Variants in CLSTN2 observed in about 807,000 individuals in gnomAD.
CLSTN2 encodes the protein calsyntenin-2.
Under a neutral mutation model 101.2 loss-of-function variants are expected in CLSTN2, and 48 were observed. The observed-to-expected ratio is 0.47, with a 90% CI of 0.38 to 0.60. The LOEUF (loss-of-function observed/expected upper bound fraction) is 0.60. Among genes scored for constraint, CLSTN2 ranks in the 20% least tolerant of loss-of-function variants. The probability of loss-of-function intolerance (pLI) is 0.00; values close to 1 mark genes in which losing one functional copy is unlikely to be tolerated. For missense variants in CLSTN2, 1,160 were observed against 1,238.2 expected (o/e 0.94, Z 0.95); for synonymous variants, 481 against 463.6 (o/e 1.04, Z -0.48).
At chr3:140,156,136 GT>G (rs1298036529) in intron 1 of CLSTN2, among the ~76,000 whole-genome samples, 1 of 152,104 alleles carries the variant, frequency 6.6e-6, no homozygotes. Context: ...TAGCAAATAA[GT>G]TTTATCTTAG....
At chr3:140,034,898 G>A (rs894191303) in intron 1 of CLSTN2, among the ~76,000 whole-genome samples, 18 of 152,210 alleles carry the variant, frequency 1.2e-4, no homozygotes, top group African/African-American at 4.1e-4. Context: ...TGCACAAGAG[G>A]TACACAACAG....
intron 1 of CLSTN2, among the ~76,000 whole-genome samples, chr3:140,051,484 C>A (rs984887682): frequency 2.6e-5 from 4 of 152,176 alleles, no homozygotes; most frequent in Admixed American, 1.3e-4. Context: ...CCGCCTGCAC[C>A]CTTTTTGGGC....
intron 2 of CLSTN2, among the ~76,000 whole-genome samples, chr3:140,347,482 T>C (rs2087560899): frequency 6.6e-6 from 1 of 152,214 alleles, no homozygotes; most frequent in African/African-American, 2.4e-5. Context: ...GATTCTGCTG[T>C]TTTCTGAGCA....
At chr3:140,304,560 CCTAA>C (rs770188023) in intron 2 of CLSTN2, among the ~76,000 whole-genome samples, 149 of 152,302 alleles carry the variant, frequency 9.8e-4, no homozygotes, top group Non-Finnish European at 1.5e-3. Flanking sequence ...CTCATCTAAG[CCTAA>C]CTAACTCCCA....
chr3:140,115,214 C>A (rs925536219), intron 1 of CLSTN2, among the ~76,000 whole-genome samples: 4 of 152,216 alleles, frequency 2.6e-5, no homozygotes, highest in African/African-American at 9.7e-5. Flanking sequence ...TATTCTTCAG[C>A]CCCTAAGCCT....
At chr3:140,098,215 T>G (rs919321915) in intron 1 of CLSTN2, among the ~76,000 whole-genome samples, 3 of 152,184 alleles carry the variant, frequency 2.0e-5, no homozygotes, top group Admixed American at 6.5e-5. Flanking sequence ...ACAACTCAGG[T>G]GGATACTTCT....
At chr3:140,359,217 C>T (rs992913360) in intron 2 of CLSTN2, among the ~76,000 whole-genome samples, 25 of 151,646 alleles carry the variant, frequency 1.6e-4, no homozygotes, top group African/African-American at 6.1e-4. Flanking sequence ...TGCACCTCCT[C>T]ATTTCTGCAT....
At chr3:140,319,822 G>A (rs1205231577) in intron 2 of CLSTN2, among the ~76,000 whole-genome samples, 1 of 152,212 alleles carries the variant, frequency 6.6e-6, no homozygotes, top group African/African-American at 2.4e-5. Context: ...TTGCTCTTTT[G>A]AAACATGCCC....
intron 2 of CLSTN2, among the ~76,000 whole-genome samples, chr3:140,287,656 C>G (rs1049284200): frequency 1.3e-5 from 2 of 152,020 alleles, no homozygotes; most frequent in African/African-American, 4.8e-5. Context: ...AAATGGAATA[C>G]TTGGTATATG....
chr3:140,267,834 C>G (rs929728348), intron 2 of CLSTN2, among the ~76,000 whole-genome samples: 3 of 152,136 alleles, frequency 2.0e-5, no homozygotes, highest in African/African-American at 7.2e-5. Context: ...GCTCAGAACT[C>G]CAGCTTAGGA....
At chr3:140,016,976 C>T (rs1031518178) in intron 1 of CLSTN2, among the ~76,000 whole-genome samples, 5 of 152,192 alleles carry the variant, frequency 3.3e-5, no homozygotes, top group East Asian at 1.9e-4. Context: ...ACTGCACAAG[C>T]GATGTCGGTG....
chr3:140,182,780 C>A (rs2010429457), intron 2 of CLSTN2, among the ~76,000 whole-genome samples: 1 of 152,172 alleles, frequency 6.6e-6, no homozygotes, highest in Admixed American at 6.5e-5. Context: ...CTGTGCTCAA[C>A]CTTGATGCCC....
chr3:140,251,754 C>G (rs2107876088), intron 2 of CLSTN2, among the ~76,000 whole-genome samples: 1 of 152,136 alleles, frequency 6.6e-6, no homozygotes, highest in East Asian at 1.9e-4. Flanking sequence ...GGACAGGTTT[C>G]TGCCTTCATG....
chr3:140,233,081 G>T (rs919306636), intron 2 of CLSTN2, among the ~76,000 whole-genome samples: 17 of 152,012 alleles, frequency 1.1e-4, no homozygotes, highest in Non-Finnish European at 1.5e-5. Flanking sequence ...CTAAGAATTG[G>T]GCCCCACTAC....
chr3:140,399,450 G>A (rs965735149), intron 2 of CLSTN2, among the ~76,000 whole-genome samples: 5 of 152,050 alleles, frequency 3.3e-5, no homozygotes, highest in African/African-American at 1.2e-4. Flanking sequence ...TTGTCATGAC[G>A]TTTTAAATAT....
At chr3:140,227,974 A>T (rs1028110305) in intron 2 of CLSTN2, among the ~76,000 whole-genome samples, 3 of 152,172 alleles carry the variant, frequency 2.0e-5, no homozygotes, top group Non-Finnish European at 4.4e-5. Context: ...TGGTGATGGG[A>T]GGGGCTGCCA....
At chr3:140,265,067 G>T (rs1472553198) in intron 2 of CLSTN2, among the ~76,000 whole-genome samples, 1 of 152,122 alleles carries the variant, frequency 6.6e-6, no homozygotes, top group East Asian at 1.9e-4. Context: ...TCTGCAAAAT[G>T]ACCCTACGAG....
Position 140,042,601 on chromosome 3 carries a change from G to A in CLSTN2, c.109+107118G>A, listed in dbSNP as rs61575735. On this transcript the variant is annotated intron_variant, in intron 1 of 16. Coordinates refer to ENST00000458420, the MANE Select transcript of CLSTN2 (RefSeq NM_022131.3). ...AGGTTTGTTACATATGTGTACGTGCGCCATGTTGGTGTGCTGCACCCATTA... is the reference window on the plus strand; with the variant it reads ...AGGTTTGTTACATATGTGTACGTGCACCATGTTGGTGTGCTGCACCCATTA... Among the ~76,000 whole-genome samples the A allele has an allele frequency of 2.5e-3, 376 of 152,126 alleles. 3 individuals are homozygous for A. The highest frequency in any genetic ancestry group is 8.7e-3 in the African/African-American group (360 of 41,522).
chr3:140,392,833 A>T (rs73228960), intron 2 of CLSTN2, among the ~76,000 whole-genome samples: 4,754 of 151,352 alleles, frequency 0.031, 89 homozygotes, highest in Non-Finnish European at 0.039. Context: ...AATTTTTTTT[A>T]AAAAAAAAGA....
Sources: allele counts gnomAD v4.1 joint callset (sites outside exome capture counted in the v4.1 genomes callset), GRCh38; gene constraint gnomAD v4.1.1; transcripts MANE v1.5; gene names NCBI Gene and HGNC (gene_info 2026-07-23, HGNC 2026-07-21).